Variants in ADAMTS12 observed in about 807,000 individuals in gnomAD.
ADAMTS12 encodes the protein ADAM metallopeptidase with thrombospondin type 1 motif 12.
A neutral mutation model predicts 167.8 loss-of-function variants in ADAMTS12; 118 were observed. The ratio of observed to expected loss-of-function variants is 0.70; its 90% CI spans 0.61 to 0.82. The LOEUF is 0.82. ADAMTS12 is among the 40% of genes least tolerant of loss of function. The pLI, the probability that ADAMTS12 is intolerant of heterozygous loss-of-function variation, is 0.00. For synonymous variants in ADAMTS12, 704 were observed against 716.9 expected (o/e 0.98, Z 0.29); for missense variants, 1,916 against 1,998.8 (o/e 0.96, Z 0.79).
intron 3 of ADAMTS12, among the ~76,000 whole-genome samples, chr5:33,693,457 A>C (rs1225437672): frequency 6.6e-6 from 1 of 152,194 alleles, no homozygotes; most frequent in Non-Finnish European, 1.5e-5. Context: ...AGTTTGTTCT[A>C]ATTATCTAAT....
At chr5:33,567,036 C>T (rs116389117) in intron 19 of ADAMTS12, among the ~76,000 whole-genome samples, 102 of 152,304 alleles carry the variant, frequency 6.7e-4, no homozygotes, top group African/African-American at 2.2e-3. Flanking sequence ...CCTTGTATTG[C>T]CTTGTGACTG....
At chr5:33,649,358 C>G (rs1283732652) in intron 8 of ADAMTS12, among the ~76,000 whole-genome samples, 196 bp downstream of exon 8, 1 of 152,202 alleles carries the variant, frequency 6.6e-6, no homozygotes, top group East Asian at 1.9e-4. Context: ...CTGCCTGTGA[C>G]AAGAGGGCAG....
At chr5:33,815,477 G>A (rs1404495281) in intron 2 of ADAMTS12, among the ~76,000 whole-genome samples, 4 of 152,194 alleles carry the variant, frequency 2.6e-5, no homozygotes, top group Non-Finnish European at 4.4e-5. Context: ...GAGGGCCCTT[G>A]CCCTGAACCT....
chr5:33,835,369 A>C, intron 2 of ADAMTS12, among the ~76,000 whole-genome samples: 1 of 152,204 alleles, frequency 6.6e-6, no homozygotes, highest in East Asian at 1.9e-4. Flanking sequence ...CATTATCCCT[A>C]ATCTTTGCAC....
chr5:33,615,822 CATTACCTGG>C lies in ADAMTS12; in HGVS notation c.2385_2388+5del. The stretch of plus-strand genomic sequence containing the variant: ...ATGTCAGCAGTTTCCCTCCTTTCTG[CATTACCTGG>C]ATCCACACAGACTCATTGGTGGGAC... On this transcript the variant is annotated splice_donor_variant and splice_donor_5th_base_variant and coding_sequence_variant and intron_variant, in exon 15 of 24. Coordinates refer to ENST00000504830, the MANE Select transcript of ADAMTS12 (RefSeq NM_030955.4). LOFTEE classifies it high-confidence loss of function. 6.2e-7 allele frequency: 1 copy of C among 1,613,880 alleles called. No homozygotes were observed.
chr5:33,803,921 C>T (rs1045873270), intron 2 of ADAMTS12, among the ~76,000 whole-genome samples: 6 of 152,154 alleles, frequency 3.9e-5, no homozygotes, highest in East Asian at 3.8e-4. Flanking sequence ...AGGTGAGATT[C>T]GGGTGGGGAC....
At chr5:33,839,938 GAC>G (rs1748685515) in intron 2 of ADAMTS12, among the ~76,000 whole-genome samples, 1 of 152,190 alleles carries the variant, frequency 6.6e-6, no homozygotes. Flanking sequence ...GGAAGAAAAA[GAC>G]ACTACAAAAA....
intron 3 of ADAMTS12, among the ~76,000 whole-genome samples, chr5:33,718,790 C>A (rs886518262): frequency 6.6e-6 from 1 of 152,120 alleles, no homozygotes; most frequent in Non-Finnish European, 1.5e-5. Context: ...AAGGAAAGAG[C>A]CATTTAGTGC....
At chr5:33,727,384 C>T (rs1007969315) in intron 3 of ADAMTS12, among the ~76,000 whole-genome samples, 4 of 152,188 alleles carry the variant, frequency 2.6e-5, no homozygotes, top group Admixed American at 6.5e-5. Context: ...GCTGCCTCTC[C>T]GATAGGAGGA....
At chr5:33,617,986 G>A (rs1238696628) in intron 14 of ADAMTS12, among the ~76,000 whole-genome samples, 1 of 152,106 alleles carries the variant, frequency 6.6e-6, no homozygotes, top group East Asian at 1.9e-4. Flanking sequence ...ACAACACAGG[G>A]GTTAGGGCAC....
chr5:33,891,584 G>A (rs925690991), intron 1 of ADAMTS12, 146 bp downstream of exon 1: 9 of 1,210,234 alleles, frequency 7.4e-6, no homozygotes, highest in Non-Finnish European at 9.3e-6. Context: ...AGGCTCCTGA[G>A]GTCCCAGCCC....
intron 3 of ADAMTS12, among the ~76,000 whole-genome samples, chr5:33,703,745 AG>A (rs1561224239): frequency 6.6e-6 from 1 of 152,132 alleles, no homozygotes. Flanking sequence ...CTCAGTTTTA[AG>A]GGTGAATGGT....
Position 33,585,609 on chromosome 5 carries a change from G to A in ADAMTS12, c.2865+2990C>T, listed in dbSNP as rs116706979. ...CATGTCCCTGAAATGGTGTATCTGG[G>A]AAGTAAGGGAGTCACAGTAACTTTG... On this transcript the variant is annotated intron_variant, in intron 18 of 23. Transcript: ENST00000504830. Among the ~76,000 whole-genome samples, 529 of 152,322 alleles carry A rather than the reference G, an allele frequency of 3.5e-3. 2 individuals are homozygous for A. Among genetic ancestry groups the A allele is most frequent in the Middle Eastern group, 0.01 (3 of 294 alleles).
intron 2 of ADAMTS12, among the ~76,000 whole-genome samples, chr5:33,801,949 T>C (rs1259451931): frequency 1.3e-5 from 2 of 152,200 alleles, no homozygotes; most frequent in African/African-American, 4.8e-5. Flanking sequence ...TTATCACCAA[T>C]GTAATGCTAT....
intron 21 of ADAMTS12, among the ~76,000 whole-genome samples, chr5:33,547,958 G>A (rs1745063450): frequency 6.6e-6 from 1 of 152,156 alleles, no homozygotes; most frequent in Non-Finnish European, 1.5e-5. Context: ...ATGTACTCAA[G>A]AACTAGGCAG....
chr5:33,833,045 A>G (rs1748366180), intron 2 of ADAMTS12, among the ~76,000 whole-genome samples: 1 of 152,226 alleles, frequency 6.6e-6, no homozygotes, highest in Admixed American at 6.5e-5. Context: ...TACAATAGCT[A>G]TAAATAAGTC....
intron 14 of ADAMTS12, among the ~76,000 whole-genome samples, chr5:33,616,773 C>T (rs962276514): frequency 1.3e-5 from 2 of 152,142 alleles, no homozygotes; most frequent in African/African-American, 4.8e-5. Flanking sequence ...TCTGAAAAAG[C>T]ATCATAGGTT....
chr5:33,722,617 T>C (rs545983707), intron 3 of ADAMTS12, among the ~76,000 whole-genome samples: 2 of 152,192 alleles, frequency 1.3e-5, no homozygotes, highest in Non-Finnish European at 2.9e-5. Context: ...TTGTTTCCTT[T>C]ACGCACAGTT....
intron 9 of ADAMTS12, among the ~76,000 whole-genome samples, chr5:33,646,381 A>G: frequency 6.6e-6 from 1 of 152,144 alleles, no homozygotes; most frequent in East Asian, 1.9e-4. Flanking sequence ...ACTGGAGACA[A>G]TGTGTAGGGC....
Sources: allele counts gnomAD v4.1 joint callset (sites outside exome capture counted in the v4.1 genomes callset), GRCh38; gene constraint gnomAD v4.1.1; transcripts MANE v1.5; gene names NCBI Gene and HGNC (gene_info 2026-07-23, HGNC 2026-07-21).